BCAN: variants seen among roughly 807,000 people sequenced by gnomAD.
The protein encoded by BCAN is brevican core protein.
In BCAN, 51 loss-of-function variants were observed where a neutral mutation model predicts 92.4. That is an observed-to-expected ratio of 0.55 (90% CI 0.44 to 0.70). The LOEUF (loss-of-function observed/expected upper bound fraction) is 0.70, where lower values mean the gene tolerates loss of function less well. Ranked by LOEUF, BCAN falls within the 30% of genes least tolerant of loss-of-function variation. The pLI, the probability that BCAN is intolerant of heterozygous loss-of-function variation, is 0.00. For synonymous variants in BCAN, 501 were observed against 505.2 expected (o/e 0.99, Z 0.11); for missense variants, 1,140 against 1,212.1 (o/e 0.94, Z 0.88).
chr1:156,651,051 C>T (rs1268238690), intron 6 of BCAN, among the ~76,000 whole-genome samples: 1 of 152,234 alleles, frequency 6.6e-6, no homozygotes, highest in East Asian at 1.9e-4. Flanking sequence ...CAGCCCCTCC[C>T]CCTAGGGAAT....
chr1:156,655,457 A>G (rs1679295775), intron 8 of BCAN, among the ~76,000 whole-genome samples: 1 of 152,190 alleles, frequency 6.6e-6, no homozygotes, highest in Non-Finnish European at 1.5e-5. Flanking sequence ...TGGAGTTGGG[A>G]GAGGGAGCCT....
chr1:156,646,871 C>T lies in BCAN; in HGVS notation c.162C>T (p.Thr54=). The change falls in exon 3 of 14, where the codon ACC becomes ACT. Residue 54 remains threonine, a synonymous_variant. Transcript: ENST00000329117. ...PLQGVLGGAL[T]IPCHVHYLRP... ...AGGGCGTGCTCGGCGGCGCCCTCAC[C>T]ATCCCTTGCCACGTCCACTACCTGC... 1 of 1,609,626 alleles carries T rather than the reference C, an allele frequency of 6.2e-7. No homozygotes were observed. Among genetic ancestry groups the T allele is most frequent in the Non-Finnish European group, 8.5e-7 (1 of 1,178,096 alleles).
chr1:156,647,124 G>A lies in BCAN; in HGVS notation c.415G>A (p.Val139Ile). 2 of 1,552,864 alleles carry A rather than the reference G, an allele frequency of 1.3e-6. No individual in the cohort carries two copies. The highest frequency in any genetic ancestry group is 1.1e-5 in the South Asian group (1 of 89,312). Residue 139 changes from valine to isoleucine, a missense_variant, in exon 3 of 14, where the codon GTC becomes ATC. Val to Ile is a conservative substitution (Grantham distance 29). This residue lies in a region of BCAN where 286 missense variants were observed against 284.1 expected (regional missense o/e 1.01). Coordinates refer to ENST00000329117, the MANE Select transcript of BCAN (RefSeq NM_021948.5). The surrounding 1 kb of genome is among the most constrained non-coding windows in gnomAD (Gnocchi z 4.8). ...CGACTCAGGTATCTATCGCTGTGAG[G>A]TCCAGCACGGCATCGATGACAGCAG... ...PNDSGIYRCE[V>I]QHGIDDSSDA... is the part of the protein sequence containing the mutation.
rs1228691023 is a variant in BCAN, at chr1:156,648,831, C to T, written c.1033C>T (p.His345Tyr). Residue 345 changes from histidine (H) to tyrosine (Y), a missense_variant, in exon 6 of 14, where the codon CAC becomes TAC. Physicochemically the swap from His to Tyr is moderately conservative, Grantham distance 83. Transcript: ENST00000329117. ...CAACCAGACTGGCTTCCCCAATAAG[C>T]ACAGCCGCTTCAACGTCTACTGCTT... Reference protein sequence around the residue: ...FPNQTGFPNKHSRFNVYCFRD... With the variant: ...FPNQTGFPNKYSRFNVYCFRD... 6.3e-7 allele frequency: 1 copy of T among 1,579,642 alleles called. No individual in the cohort carries two copies. Among genetic ancestry groups the T allele is most frequent in the East Asian group, 2.3e-5 (1 of 44,080 alleles).
At chr1:156,654,051 A>G (rs1396777007) in intron 8 of BCAN, among the ~76,000 whole-genome samples, 1 of 152,090 alleles carries the variant, frequency 6.6e-6, no homozygotes, top group African/African-American at 2.4e-5. Context: ...TAACTCCTGC[A>G]CTAATGATCA....
At chr1:156,649,066 G>T (rs1679078463) in intron 6 of BCAN, among the ~76,000 whole-genome samples, 1 of 152,198 alleles carries the variant, frequency 6.6e-6, no homozygotes, top group East Asian at 1.9e-4. Flanking sequence ...GGCCCAAGGA[G>T]TAGTCACCTT....
intron 1 of BCAN, among the ~76,000 whole-genome samples, chr1:156,645,522 T>C (rs889781087): frequency 6.6e-6 from 1 of 151,836 alleles, no homozygotes; most frequent in African/African-American, 2.4e-5. Flanking sequence ...GAGTATGGTG[T>C]CCCTGGAGGC....
chr1:156,646,587 T>G (rs1678971595), intron 2 of BCAN: 4 of 720,562 alleles, frequency 5.6e-6, no homozygotes, highest in Non-Finnish European at 8.4e-6. Flanking sequence ...ACTGGGAGAC[T>G]TTGGGGGATG....
intron 10 of BCAN, 89 bp downstream of exon 10, chr1:156,657,185 A>G: frequency 6.7e-7 from 1 of 1,499,104 alleles, no homozygotes; most frequent in Non-Finnish European, 9.0e-7. Context: ...TAACCCATGC[A>G]CTTATTCCTT....
At position 156,648,029 on chromosome 1, in the gene BCAN, G is replaced by A. The variant is rs2102558817; in HGVS notation, c.688G>A (p.Gly230Ser). The A allele has an allele frequency of 6.2e-7, 1 of 1,614,050 alleles. No homozygotes were observed. The highest frequency in any genetic ancestry group is 1.3e-5 in the African/African-American group (1 of 75,006). Reference sequence around the variant, plus strand: ...AGAGGCCTGTTACGGAGACATGGATGGCTTCCCCGGGGTCCGGAACTATGG... The same window carrying A: ...AGAGGCCTGTTACGGAGACATGGATAGCTTCCCCGGGGTCCGGAACTATGG... ...PREACYGDMDGFPGVRNYGVV... is the reference protein window; with the variant it reads ...PREACYGDMDSFPGVRNYGVV... Residue 230 changes from glycine to serine, a missense_variant, in exon 5 of 14, where the codon GGC (glycine) becomes AGC (serine). Coordinates refer to ENST00000329117, the MANE Select transcript of BCAN (RefSeq NM_021948.5).
rs1461584983 is a variant in BCAN at position 156,658,832 on chromosome 1, G to A, written c.2628+99G>A. 8 of 1,533,594 alleles carry A rather than the reference G, an allele frequency of 5.2e-6. No homozygotes were observed. Among genetic ancestry groups the A allele is most frequent in the Non-Finnish European group, 7.1e-6 (8 of 1,122,456 alleles). The allele number at this position is 1,533,594 out of a possible 1,614,324, so 95.0% of individuals were successfully genotyped here. ...TGCCTGTCACTGGCCATGTGACCTT[G>A]GAGCCATCACTGCCCCTCTCTGAGG... On this transcript the variant is annotated intron_variant, in intron 13 of 13. Coordinates refer to ENST00000329117, the MANE Select transcript of BCAN (RefSeq NM_021948.5). This position sits in a 1 kb window ranked among gnomAD's most constrained non-coding sequence, Gnocchi z 4.4.
intron 7 of BCAN, 29 bp downstream of exon 7, chr1:156,651,718 T>A (rs1255096687): frequency 1.9e-6 from 3 of 1,561,098 alleles, no homozygotes; most frequent in East Asian, 2.2e-5. Flanking sequence ...CCTAAGGATG[T>A]CTTGATTGAA....
At chr1:156,649,034 G>A (rs1039068732) in intron 6 of BCAN, among the ~76,000 whole-genome samples, 173 bp downstream of exon 6, 4 of 152,136 alleles carry the variant, frequency 2.6e-5, no homozygotes, top group Admixed American at 1.3e-4. Context: ...ATGCCCTCTG[G>A]TGTGGTGTCT....
At chr1:156,656,792 T>A in intron 9 of BCAN, 146 bp from the exon 10 acceptor site, 2 of 1,124,568 alleles carry the variant, frequency 1.8e-6, no homozygotes, top group Non-Finnish European at 2.5e-6. Flanking sequence ...ACCCCCTCAT[T>A]CTCTACTAGC....
In BCAN at chr1:156,659,070, GGA is replaced by G; in HGVS notation, c.2674_2675del (p.Arg892AlafsTer117). The G allele has an allele frequency of 6.9e-6, 11 of 1,601,212 alleles. No individual in the cohort carries two copies. Among genetic ancestry groups the G allele is most frequent in the Non-Finnish European group, 9.4e-6 (11 of 1,175,362 alleles). On this transcript the variant is annotated frameshift_variant, in exon 14 of 14. Transcript: ENST00000329117. LOFTEE classifies it low-confidence loss of function (END_TRUNC). The stretch of plus-strand genomic sequence containing the variant: ...GAGGAGGACCCAGAAGGACGTCAGG[GGA>G]GGCTACTGGGACGCTGGAAGGCGCT...
rs1452980002 is a variant in BCAN, at chr1:156,648,523, G to C, written c.770-45G>C. ...TTCCCATGGGAGACCAGAGTGGAAG[G>C]AGCTACCAGCTGCCTGATAACCCAG... On this transcript the variant is annotated intron_variant, in intron 5 of 13. Coordinates refer to ENST00000329117, the MANE Select transcript of BCAN (RefSeq NM_021948.5). 2.0e-6 allele frequency: 3 copies of C among 1,536,062 alleles called. No homozygotes were observed. The South Asian group carries it at 3.7e-5, about 19-fold the overall frequency.
rs1436360244 is a variant in BCAN at position 156,647,897 on chromosome 1, G to T, written c.642-86G>T. 3 of 1,583,824 alleles carry T rather than the reference G, an allele frequency of 1.9e-6. No homozygotes were observed. In the African/African-American group the frequency reaches 4.0e-5, roughly 21 times the overall value. Reference sequence around the variant, plus strand: ...AGCTGTCAGCAAGTGTCTGCACTGTGGTGGCAGTGGGGTTCAATAGAATCA... The same window carrying T: ...AGCTGTCAGCAAGTGTCTGCACTGTTGTGGCAGTGGGGTTCAATAGAATCA... On this transcript the variant is annotated intron_variant, in intron 4 of 13. Coordinates refer to ENST00000329117, the MANE Select transcript of BCAN (RefSeq NM_021948.5). The surrounding 1 kb of genome is among the most constrained non-coding windows in gnomAD (Gnocchi z 4.8).
chr1:156,648,489 T>C, intron 5 of BCAN, 79 bp from the exon 6 acceptor site: 1 of 1,425,220 alleles, frequency 7.0e-7, no homozygotes, highest in East Asian at 2.3e-5. Flanking sequence ...TGGAGAAGCT[T>C]GCCCAGGGTT....
At position 156,648,554 on chromosome 1, in the gene BCAN, T is replaced by C; in HGVS notation, c.770-14T>C. The C allele has an allele frequency of 6.4e-7, 1 of 1,567,930 alleles. No individual in the cohort carries two copies. The highest frequency in any genetic ancestry group is 1.7e-5 in the Admixed American group (1 of 57,720). ...CCAGCTGCCTGATAACCCAGCCTTC[T>C]CTTCTCCACCCAGGAGAACTGTTCC... On this transcript the variant is annotated splice_polypyrimidine_tract_variant and intron_variant, in intron 5 of 13. Transcript: ENST00000329117.
Sources: gnomAD v4.1 joint callset for allele counts (sites outside exome capture counted in the v4.1 genomes callset) on GRCh38, gnomAD v4.1.1 for gene constraint, gnomAD v4.1.1 regional missense constraint, Gnocchi (gnomAD v3.1) non-coding constraint, MANE v1.5 for transcripts, NCBI Gene and HGNC (gene_info 2026-07-23, HGNC 2026-07-21) for gene names.